The following NIPAL3 variants were observed in gnomAD, a reference collection of about 807,000 sequenced individuals.
The protein encoded by NIPAL3 is NIPA like domain containing 3, also known as NIPA-like protein 3.
A neutral mutation model predicts 47.2 loss-of-function variants in NIPAL3; 41 were observed. The observed-to-expected ratio is 0.87, with a 90% CI of 0.68 to 1.13. NIPAL3 has a LOEUF of 1.13. Among genes scored for constraint, NIPAL3 ranks in the 50% most tolerant of loss-of-function variants. The pLI is 0.00. For synonymous variants in NIPAL3, 194 were observed against 209.6 expected (o/e 0.93, Z 0.64); for missense variants, 449 against 530.1 (o/e 0.85, Z 1.50).
At chr1:24,417,308 G>A (rs1644102043) in intron 1 of NIPAL3, among the ~76,000 whole-genome samples, 1 of 152,186 alleles carries the variant, frequency 6.6e-6, no homozygotes, top group South Asian at 2.1e-4. Context: ...ACACCTCACT[G>A]GAGTTTGCGC....
intron 3 of NIPAL3, 106 bp from the exon 4 acceptor site, chr1:24,441,949 G>C: frequency 1.0e-5 from 12 of 1,186,018 alleles, no homozygotes; most frequent in Admixed American, 2.1e-5. Flanking sequence ...AACCTGACAA[G>C]TCTTCCCAAT....
At chr1:24,443,200 T>A (rs1193711956) in intron 4 of NIPAL3, among the ~76,000 whole-genome samples, 1 of 152,186 alleles carries the variant, frequency 6.6e-6, no homozygotes, top group Non-Finnish European at 1.5e-5. Flanking sequence ...AGCTTTAATG[T>A]TCATGAGAAC....
chr1:24,427,979 C>G lies in NIPAL3; in HGVS notation c.93+8339C>G, dbSNP rs145362193. On this transcript the variant is annotated intron_variant, in intron 2 of 11. Transcript: ENST00000374399. ...ACAACCCCTGCAGGCACTGAGGTGG[C>G]TCATGCTTGTAATCCCAGAACTCTG... Among the ~76,000 whole-genome samples the G allele has an allele frequency of 4.6e-3, 705 of 152,300 alleles. 3 individuals carry two copies. The highest frequency in any genetic ancestry group is 0.016 in the African/African-American group (651 of 41,566).
intron 2 of NIPAL3, chr1:24,419,941 G>C: frequency 3.6e-6 from 1 of 275,538 alleles, no homozygotes; most frequent in Non-Finnish European, 7.1e-6. Flanking sequence ...GATTGGCTGG[G>C]CGTGGTGGTG....
chr1:24,443,474 G>A (rs1645497085), intron 4 of NIPAL3, among the ~76,000 whole-genome samples: 1 of 152,174 alleles, frequency 6.6e-6, no homozygotes, highest in Admixed American at 6.5e-5. Flanking sequence ...TGGTAACTAT[G>A]TGCCCCTCCC....
In NIPAL3 at chr1:24,449,621, T is replaced by C; in HGVS notation, c.535T>C (p.Tyr179His). The C allele has an allele frequency of 6.2e-7, 1 of 1,613,218 alleles. No homozygotes were observed. ...RHLVSWPFLL[Y>H]MLVEIILFCL... Reference sequence around the variant, plus strand: ...CCTCGTGAGCTGGCCTTTCCTTTTGTACATGGTAAGAGAAGCCTCCAGTCG... The same window carrying C: ...CCTCGTGAGCTGGCCTTTCCTTTTGCACATGGTAAGAGAAGCCTCCAGTCG... Residue 179 changes from tyrosine to histidine, a missense_variant, in exon 6 of 12, where the codon TAC (tyrosine) becomes CAC (histidine). Tyr to His is a moderately conservative substitution (Grantham distance 83). Coordinates refer to ENST00000374399, the MANE Select transcript of NIPAL3 (RefSeq NM_020448.5). The surrounding 1 kb of genome is among the most constrained non-coding windows in gnomAD (Gnocchi z 4.5).
intron 10 of NIPAL3, 122 bp from the exon 11 acceptor site, chr1:24,463,904 G>T (rs1570384951): frequency 1.4e-6 from 1 of 709,428 alleles, no homozygotes; most frequent in East Asian, 2.8e-5. Flanking sequence ...TCCTTGGGCG[G>T]TGAGCCCTCC....
rs1399635141 is a variant in NIPAL3 at position 24,469,295 on chromosome 1, T to C, written c.*110T>C. ...ATTTTGTTTCTAACTGAGAACTCTA[T>C]GGATGATGATCTCAAAAAGCCTTTG... On this transcript the variant is annotated 3_prime_UTR_variant, in exon 12 of 12. Transcript: ENST00000374399. 3.5e-6 allele frequency: 3 copies of C among 856,366 alleles called. No individual in the cohort carries two copies. Among genetic ancestry groups the C allele is most frequent in the East Asian group, 2.7e-5 (1 of 37,606 alleles). 53.0% of individuals were successfully genotyped at this position (856,366 alleles called of 1,614,324 possible).
chr1:24,446,876 T>C (rs889060765), intron 5 of NIPAL3, among the ~76,000 whole-genome samples: 1 of 152,194 alleles, frequency 6.6e-6, no homozygotes, highest in Admixed American at 6.5e-5. Flanking sequence ...TGAACTAATT[T>C]ACACAAGGAG....
chr1:24,457,942 CA>C, intron 8 of NIPAL3: 1 of 434,226 alleles, frequency 2.3e-6, no homozygotes. Context: ...CCCTGCCAGT[CA>C]AAGGCCCTGT....
intron 3 of NIPAL3, among the ~76,000 whole-genome samples, chr1:24,440,708 A>G (rs901247697): frequency 6.6e-6 from 1 of 152,124 alleles, no homozygotes; most frequent in Non-Finnish European, 1.5e-5. Context: ...ATAGCTAATG[A>G]GCTTCTCATG....
rs1645313383 is a variant in NIPAL3 at position 24,440,246 on chromosome 1, T to C, written c.162+6T>C. 2 of 1,585,924 alleles carry C rather than the reference T, an allele frequency of 1.3e-6. No individual in the cohort carries two copies. Among genetic ancestry groups the C allele is most frequent in the African/African-American group, 2.7e-5 (2 of 73,672 alleles). ...GCATTGCACTTAACCTCCAGGTAAG[T>C]TTCAGTTACCAGCACTGTCTGGGGA... is the stretch of plus-strand genomic sequence containing the variant. On this transcript the variant is annotated splice_donor_region_variant and intron_variant, in intron 3 of 11. Transcript: ENST00000374399.
At chr1:24,459,032 C>T in intron 9 of NIPAL3, 56 bp downstream of exon 9, 11 of 1,495,090 alleles carry the variant, frequency 7.4e-6, no homozygotes, top group Non-Finnish European at 1.0e-5. Context: ...AGGGTATTAT[C>T]CCAGGGCAGA....
At chr1:24,456,356 C>T (rs1319836086) in intron 8 of NIPAL3, 83 bp downstream of exon 8, 11 of 1,576,002 alleles carry the variant, frequency 7.0e-6, no homozygotes, top group Non-Finnish European at 8.7e-6. Context: ...TGCTGTGAAG[C>T]CACAAGGAGG....
At chr1:24,425,462 TAC>T (rs1644537437) in intron 2 of NIPAL3, among the ~76,000 whole-genome samples, 1 of 152,152 alleles carries the variant, frequency 6.6e-6, no homozygotes, top group African/African-American at 2.4e-5. Flanking sequence ...CTTCCCTGGT[TAC>T]AGTCTAGGAG....
intron 6 of NIPAL3, among the ~76,000 whole-genome samples, chr1:24,450,448 C>T (rs1245678309): frequency 6.6e-6 from 1 of 152,142 alleles, no homozygotes; most frequent in African/African-American, 2.4e-5. Context: ...TCTCCTAACC[C>T]CTCCGCCAGA....
At chr1:24,439,079 A>AT (rs1354787922) in intron 2 of NIPAL3, among the ~76,000 whole-genome samples, 5 of 149,372 alleles carry the variant, frequency 3.3e-5, no homozygotes, top group African/African-American at 1.2e-4. Flanking sequence ...AAAATTACCG[A>AT]TTGGGTACTG....
rs753131834 is a variant in NIPAL3 at position 24,449,578 on chromosome 1, C to T, written c.492C>T (p.Gly164=). The change falls in exon 6 of 12, where the codon GGC becomes GGT. Residue 164 remains glycine, a synonymous_variant. Coordinates refer to ENST00000374399, the MANE Select transcript of NIPAL3 (RefSeq NM_020448.5). The surrounding 1 kb of genome is among the most constrained non-coding windows in gnomAD (Gnocchi z 4.5). Reference sequence around the variant, plus strand: ...CCAACAGTCACGAGAAGATGACAGGCGAGAATGTCACCAGGCACCTCGTGA... The same window carrying T: ...CCAACAGTCACGAGAAGATGACAGGTGAGAATGTCACCAGGCACCTCGTGA... The part of the protein sequence containing the change: ...FAPNSHEKMT[G]ENVTRHLVSW... The T allele has an allele frequency of 1.2e-5, 20 of 1,613,864 alleles. No homozygotes were observed. Among genetic ancestry groups the T allele is most frequent in the Admixed American group, 5.0e-5 (3 of 59,984 alleles).
At position 24,453,496 on chromosome 1, in the gene NIPAL3, C is replaced by A; in HGVS notation, c.629C>A (p.Ala210Glu). ...NNIVVILLLV[A>E]LLGSMTVVTV... ...ATTGTCGTGATTCTTCTCTTGGTGG[C>A]GTTACTTGGTAAGTTGGCATCTGGA... Residue 210 changes from alanine to glutamate, a missense_variant, in exon 7 of 12, where the codon GCG becomes GAG. Coordinates refer to ENST00000374399, the MANE Select transcript of NIPAL3 (RefSeq NM_020448.5). 1 of 1,612,670 alleles carries A rather than the reference C, an allele frequency of 6.2e-7. No homozygotes were observed. The highest frequency in any genetic ancestry group is 8.5e-7 in the Non-Finnish European group (1 of 1,179,266).
Sources: gnomAD v4.1 joint callset for allele counts (sites outside exome capture counted in the v4.1 genomes callset) on GRCh38, gnomAD v4.1.1 for gene constraint, Gnocchi (gnomAD v3.1) non-coding constraint, MANE v1.5 for transcripts, NCBI Gene and HGNC (gene_info 2026-07-23, HGNC 2026-07-21) for gene names.